Variants in RBM20 observed in about 807,000 individuals in gnomAD.
RBM20 encodes RNA-binding protein 20.
A neutral mutation model predicts 110.1 loss-of-function variants in RBM20; 51 were observed. That is an observed-to-expected ratio of 0.46 (90% CI 0.37 to 0.59). The LOEUF (loss-of-function observed/expected upper bound fraction) is 0.59. RBM20 is among the 20% of genes least tolerant of loss of function. The pLI, the probability that RBM20 is intolerant of heterozygous loss-of-function variation, is 0.00. For missense variants in RBM20, 1,512 were observed against 1,574.9 expected (o/e 0.96, Z 0.68); for synonymous variants, 589 against 618.2 (o/e 0.95, Z 0.70).
intron 1 of RBM20, among the ~76,000 whole-genome samples, chr10:110,752,943 A>T (rs1273079618): frequency 0.24 from 22,270 of 94,118 alleles, 2,444 homozygotes; most frequent in Non-Finnish European, 0.3. Context: ...ATATATATAT[A>T]TATTTTTTTT....
chr10:110,684,493 AAAC>A (rs1414822918), intron 1 of RBM20, among the ~76,000 whole-genome samples: 1 of 152,210 alleles, frequency 6.6e-6, no homozygotes, highest in Non-Finnish European at 1.5e-5. Flanking sequence ...AACCAAACCA[AAAC>A]AACACAAAAA....
chr10:110,675,193 T>C (rs1862321161), intron 1 of RBM20, among the ~76,000 whole-genome samples: 1 of 152,186 alleles, frequency 6.6e-6, no homozygotes, highest in Admixed American at 6.5e-5. Context: ...GAAGTGAACT[T>C]ACTGGCTATA....
chr10:110,785,901 G>T (rs1844413559), intron 5 of RBM20, among the ~76,000 whole-genome samples: 1 of 152,164 alleles, frequency 6.6e-6, no homozygotes, highest in Non-Finnish European at 1.5e-5. Context: ...TTTGAAGCTT[G>T]AACCAGAAAG....
chr10:110,724,634 G>C (rs1412924056), intron 1 of RBM20, among the ~76,000 whole-genome samples: 1 of 152,142 alleles, frequency 6.6e-6, no homozygotes, highest in African/African-American at 2.4e-5. Flanking sequence ...TGGGCGTGCT[G>C]GGCCATATCG....
chr10:110,761,406 G>A (rs1410294655), intron 1 of RBM20, among the ~76,000 whole-genome samples: 1 of 149,824 alleles, frequency 6.7e-6, no homozygotes, highest in Non-Finnish European at 1.5e-5. Flanking sequence ...TTTGTGCACT[G>A]GTTTTAGATT....
chr10:110,651,771 A>G (rs1861952298), intron 1 of RBM20, among the ~76,000 whole-genome samples: 1 of 152,178 alleles, frequency 6.6e-6, no homozygotes, highest in Non-Finnish European at 1.5e-5. Flanking sequence ...CAGATGTCAT[A>G]GTTGTCCCAA....
chr10:110,688,314 A>G (rs773755568), intron 1 of RBM20, among the ~76,000 whole-genome samples: 23 of 152,148 alleles, frequency 1.5e-4, no homozygotes, highest in Non-Finnish European at 2.4e-4. Context: ...TAGTGTGACT[A>G]TTTATGCATT....
intron 1 of RBM20, among the ~76,000 whole-genome samples, chr10:110,652,748 A>G (rs1424292106): frequency 6.6e-6 from 1 of 152,190 alleles, no homozygotes; most frequent in African/African-American, 2.4e-5. Context: ...TTTCTGTCTT[A>G]TATTTTCTGC....
Position 110,780,850 on chromosome 10 carries a change from C to T in RBM20, c.241C>T (p.Pro81Ser), listed in dbSNP as rs866771105. The T allele has an allele frequency of 6.5e-7, 1 of 1,547,718 alleles. No homozygotes were observed. ...KNPFSVSNPN[P>S]LLPSPASLQL... ...CCCATTCTCGGTCAGTAACCCGAAC[C>T]CTCTGCTTCCTTCACCTGCCAGTCT... The change falls in exon 2 of 14, where the codon CCT (proline) becomes TCT (serine). Residue 81 changes from proline (P) to serine (S), a missense_variant. Physicochemically the swap from Pro to Ser is moderately conservative, Grantham distance 74. Around this residue, in one of 3 missense-constraint regions of RBM20, gnomAD observed 1,149 missense variants for 1,169.4 expected, o/e 0.98. Coordinates refer to ENST00000369519, the MANE Select transcript of RBM20 (RefSeq NM_001134363.3).
intron 1 of RBM20, among the ~76,000 whole-genome samples, chr10:110,695,727 G>A (rs1862653183): frequency 1.3e-5 from 2 of 152,186 alleles, no homozygotes; most frequent in Admixed American, 1.3e-4. Flanking sequence ...TTGAGCATTG[G>A]GAAGTGGCTG....
At position 110,712,541 on chromosome 10, in the gene RBM20, T is replaced by TG. The variant is rs1292363640; in HGVS notation, c.191+67898dup. Reference sequence around the variant, plus strand: ...CAGCATTTTGGGAGGCCAAGGCGGGTGGATCACTTGAGGTCAGGAGTTTGA... The same window carrying TG: ...CAGCATTTTGGGAGGCCAAGGCGGGTGGGATCACTTGAGGTCAGGAGTTTGA... On this transcript the variant is annotated intron_variant, in intron 1 of 13. Coordinates refer to ENST00000369519, the MANE Select transcript of RBM20 (RefSeq NM_001134363.3). Among the ~76,000 whole-genome samples, 3 of 152,002 alleles carry TG rather than the reference T, an allele frequency of 2.0e-5. No individual in the cohort carries two copies. In the East Asian group the frequency reaches 5.8e-4, roughly 29 times the overall value.
intron 1 of RBM20, among the ~76,000 whole-genome samples, chr10:110,680,260 G>A (rs1862403995): frequency 6.6e-6 from 1 of 152,146 alleles, no homozygotes; most frequent in African/African-American, 2.4e-5. Context: ...TGCCTCCTTC[G>A]GAGCAGATGG....
At chr10:110,824,684 A>G (rs1055120469) in intron 12 of RBM20, among the ~76,000 whole-genome samples, 6 of 152,164 alleles carry the variant, frequency 3.9e-5, no homozygotes, top group Admixed American at 6.5e-5. Flanking sequence ...GCACTTTAAG[A>G]AAGTTCCCTG....
chr10:110,797,511 G>T lies in RBM20; in HGVS notation c.1531G>T (p.Ala511Ser). 2 of 1,550,594 alleles carry T rather than the reference G, an allele frequency of 1.3e-6. No homozygotes were observed. Among genetic ancestry groups the T allele is most frequent in the Non-Finnish European group, 1.7e-6 (2 of 1,146,426 alleles). ...FPLASVGTTF[A>S]QRKGAGRVVH... ...TAATGATCTTTGTTCCCATTAGTTT[G>T]CACAGCGGAAAGGGGCTGGCCGTGT... The change falls in exon 6 of 14, where the codon GCA becomes TCA. Residue 511 changes from alanine to serine, a missense_variant. Ala to Ser is a moderately conservative substitution (Grantham distance 99). Transcript: ENST00000369519.
chr10:110,672,391 ACAGT>A (rs1467875314), intron 1 of RBM20, among the ~76,000 whole-genome samples: 3 of 152,150 alleles, frequency 2.0e-5, no homozygotes, highest in African/African-American at 7.2e-5. Context: ...TCTCAGCGAG[ACAGT>A]CAAAGGGGAG....
intron 1 of RBM20, among the ~76,000 whole-genome samples, chr10:110,651,689 G>A (rs1462606388): frequency 6.6e-6 from 1 of 152,212 alleles, no homozygotes; most frequent in East Asian, 1.9e-4. Flanking sequence ...AGGGACTCCT[G>A]AACCGTGACG....
rs371131002 is a variant in RBM20 at position 110,812,791 on chromosome 10, G to T, written c.2394G>T (p.Pro798=). ...ARLRESRHPH[P]DDSGKEDGLG... ...TGCGGGAAAGCAGACACCCCCATCC[G>T]GATGACTCAGGCAAGGAAGATGGGC... is the stretch of plus-strand genomic sequence containing the variant. Residue 798 remains proline, a synonymous_variant, in exon 9 of 14, where the codon CCG becomes CCT. Coordinates refer to ENST00000369519, the MANE Select transcript of RBM20 (RefSeq NM_001134363.3). 6.4e-7 allele frequency: 1 copy of T among 1,551,358 alleles called. No homozygotes were observed. The highest frequency in any genetic ancestry group is 2.4e-5 in the East Asian group (1 of 40,906).
At chr10:110,815,501 G>A (rs189341607) in intron 9 of RBM20, among the ~76,000 whole-genome samples, 1 of 152,340 alleles carries the variant, frequency 6.6e-6, no homozygotes, top group Non-Finnish European at 1.5e-5. Context: ...AAAAGTGTAT[G>A]TGCTTGGAGG....
At position 110,834,042 on chromosome 10, in the gene RBM20, C is replaced by T. The variant is rs1040766020; in HGVS notation, c.3574-1826C>T. On this transcript the variant is annotated intron_variant, in intron 13 of 13. Transcript: ENST00000369519. ...GCAGGGAGCAGGTTGAAGGAGCCTC[C>T]GCTCTCTCTGAGCAGCCTGTGCTGT... Among the ~76,000 whole-genome samples, 12 of 152,340 alleles carry T rather than the reference C, an allele frequency of 7.9e-5. No homozygotes were observed. In the Middle Eastern group the frequency reaches 0.01, roughly 130 times the overall value.
Sources: gnomAD v4.1 joint callset for allele counts (sites outside exome capture counted in the v4.1 genomes callset) on GRCh38, gnomAD v4.1.1 for gene constraint, gnomAD v4.1.1 regional missense constraint, MANE v1.5 for transcripts, NCBI Gene and HGNC (gene_info 2026-07-23, HGNC 2026-07-21) for gene names.